The following NPFF variants were observed in gnomAD, a reference collection of about 807,000 sequenced individuals.
NPFF encodes the protein neuropeptide FF-amide peptide precursor.
Under a neutral mutation model 12.9 loss-of-function variants are expected in NPFF, and 14 were observed. The observed-to-expected ratio is 1.09, with a 90% CI of 0.72 to 1.70. The LOEUF is 1.70. Ranked by LOEUF, NPFF falls within the 40% of genes most tolerant of loss-of-function variation. NPFF has a pLI of 0.00. For missense variants in NPFF, 140 were observed against 135.7 expected, an observed-to-expected ratio of 1.03 and a Z score of -0.16; for synonymous variants, 56 against 57.3, an observed-to-expected ratio of 0.98 and a Z score of 0.10.
rs1944023003 is a variant in NPFF at position 53,507,041 on chromosome 12, G to T, written c.204C>A (p.Ala68=). ...QAMERPGRSQ[A]FLFQPQRFGR... is the part of the protein sequence containing the mutation. ...CTCACCTCTGGGGCTGAAACAGGAA[G>T]GCTTGGCTCCGGCCAGGTCTCTCCA... is the stretch of plus-strand genomic sequence containing the variant. Residue 68 remains alanine, a synonymous_variant, in exon 2 of 3, where the codon GCC becomes GCA. Coordinates refer to ENST00000267017, the MANE Select transcript of NPFF (RefSeq NM_003717.4). 6.2e-7 allele frequency: 1 copy of T among 1,613,994 alleles called. No homozygotes were observed. The highest frequency in any genetic ancestry group is 8.5e-7 in the Non-Finnish European group (1 of 1,179,974).
At chr12:53,507,232 T>G (rs1430686203) in intron 1 of NPFF, 90 bp from the exon 2 acceptor site, 1 of 1,584,222 alleles carries the variant, frequency 6.3e-7, no homozygotes, top group African/African-American at 1.3e-5. Context: ...CAGGGGCAAG[T>G]GGTAGGAGGC....
rs746108356 is a variant in NPFF, at chr12:53,507,057, G to A, written c.188C>T (p.Pro63Leu). ...AAACAGGAAGGCTTGGCTCCGGCCA[G>A]GTCTCTCCATTGCCTGGAGCAGGTA... The part of the protein sequence containing the change: ...LHYLLQAMER[P>L]GRSQAFLFQP... The change falls in exon 2 of 3, where the codon CCT (proline) becomes CTT (leucine). Residue 63 changes from proline to leucine, a missense_variant. Physicochemically the swap from Pro to Leu is moderately conservative, Grantham distance 98. Transcript: ENST00000267017. 3 of 1,614,098 alleles carry A rather than the reference G, an allele frequency of 1.9e-6. No individual in the cohort carries two copies. The highest frequency in any genetic ancestry group is 2.5e-6 in the Non-Finnish European group (3 of 1,180,026).
Position 53,506,847 on chromosome 12 carries a change from G to C in NPFF, c.271C>G (p.Pro91Ala), listed in dbSNP as rs1228688410. 9.3e-6 allele frequency: 15 copies of C among 1,604,854 alleles called. No homozygotes were observed. Among genetic ancestry groups the C allele is most frequent in the Non-Finnish European group, 1.2e-5 (14 of 1,175,560 alleles). ...GAATTCAGCCCCTCTCCAGCCCGGG[G>C]ACTCAGCCATTCATTCCTCCAGGAT... ...QGSWRNEWLSPRAGEGLNSQF... is the reference protein window; with the variant it reads ...QGSWRNEWLSARAGEGLNSQF... The change falls in exon 3 of 3, where the codon CCC becomes GCC. Residue 91 changes from proline to alanine, a missense_variant. By Grantham distance (27) the Pro-to-Ala change is conservative. Transcript: ENST00000267017.
intron 1 of NPFF, 49 bp downstream of exon 1, chr12:53,507,324 T>G (rs1302784080): frequency 6.2e-7 from 1 of 1,611,420 alleles, no homozygotes; most frequent in Non-Finnish European, 8.5e-7. Flanking sequence ...AGCACAAGTC[T>G]CAACCGAAGT....
chr12:53,507,409 T>C lies in NPFF; in HGVS notation c.66A>G (p.Glu22=). 6.2e-7 allele frequency: 1 copy of C among 1,614,054 alleles called. No individual in the cohort carries two copies. Among genetic ancestry groups the C allele is most frequent in the Non-Finnish European group, 8.5e-7 (1 of 1,179,990 alleles). Residue 22 remains glutamate, a synonymous_variant, in exon 1 of 3, where the codon GAA becomes GAG. Coordinates refer to ENST00000267017, the MANE Select transcript of NPFF (RefSeq NM_003717.4). ...GGTCTTCCTGCTGGCCTCCTGGCCCTTCAGCACAGCCCCCGTCTATTAACA... is the reference window on the plus strand; with the variant it reads ...GGTCTTCCTGCTGGCCTCCTGGCCCCTCAGCACAGCCCCCGTCTATTAACA... The part of the protein sequence containing the change: ...LLLLIDGGCA[E]GPGGQQEDQL...
At chr12:53,507,245 C>T (rs775183605) in intron 1 of NPFF, 103 bp from the exon 2 acceptor site, 9 of 1,581,854 alleles carry the variant, frequency 5.7e-6, no homozygotes, top group East Asian at 2.2e-5. Flanking sequence ...TAGGAGGCTG[C>T]GGAACCATTT....
chr12:53,507,297 A>G (rs1460075378), intron 1 of NPFF, 76 bp downstream of exon 1: 49 of 1,601,656 alleles, frequency 3.1e-5, no homozygotes, highest in Non-Finnish European at 4.2e-5. Flanking sequence ...GCAGCCAGAG[A>G]AAGTATCAGA....
rs1944025805 is a variant in NPFF, at chr12:53,507,142, C to T, written c.103G>A (p.Glu35Lys). 2.5e-6 allele frequency: 4 copies of T among 1,613,588 alleles called. No individual in the cohort carries two copies. In the East Asian group the frequency reaches 6.7e-5, roughly 27 times the overall value. The change falls in exon 2 of 3, where the codon GAG becomes AAG. Residue 35 changes from glutamate to lysine, a missense_variant and splice_region_variant. Physicochemically the swap from Glu to Lys is moderately conservative, Grantham distance 56. Coordinates refer to ENST00000267017, the MANE Select transcript of NPFF (RefSeq NM_003717.4). ...GGQQEDQLSA[E>K]EDSEPLPPQD... ...GGTGGGAGGGGTTCGCTGTCTTCCT[C>T]CTGTGCCAAGGGGGTATCAGGGAAG...
chr12:53,506,888 C>A lies in NPFF; in HGVS notation c.230G>T (p.Gly77Val). 1 of 1,591,074 alleles carries A rather than the reference C, an allele frequency of 6.3e-7. No homozygotes were observed. Among genetic ancestry groups the A allele is most frequent in the South Asian group, 1.1e-5 (1 of 87,420 alleles). Residue 77 changes from glycine (G) to valine (V), a missense_variant, in exon 3 of 3, where the codon GGC becomes GTC. Gly to Val is a moderately radical substitution (Grantham distance 109). Coordinates refer to ENST00000267017, the MANE Select transcript of NPFF (RefSeq NM_003717.4). ...CCTCCAGGATCCCTGGGTATTTCTG[C>A]CAAACCTTAGGAAAGATTTGTCCTC... ...QAFLFQPQRF[G>V]RNTQGSWRNE...
In NPFF at chr12:53,507,361, A is replaced by G. The variant is rs1944034391; in HGVS notation, c.102+12T>C. 2 of 1,614,028 alleles carry G rather than the reference A, an allele frequency of 1.2e-6. No homozygotes were observed. Among genetic ancestry groups the G allele is most frequent in the Non-Finnish European group, 1.7e-6 (2 of 1,179,976 alleles). ...GAGGCAATGGTGATATGGGGATGGGACACACACTCACCGCGGAGAGCTGGT... is the reference window on the plus strand; with the variant it reads ...GAGGCAATGGTGATATGGGGATGGGGCACACACTCACCGCGGAGAGCTGGT... On this transcript the variant is annotated intron_variant, in intron 1 of 2. Transcript: ENST00000267017.
In NPFF at chr12:53,507,090, A is replaced by C; in HGVS notation, c.155T>G (p.Leu52Arg). 1.9e-6 allele frequency: 3 copies of C among 1,614,084 alleles called. No individual in the cohort carries two copies. Among genetic ancestry groups the C allele is most frequent in the Non-Finnish European group, 2.5e-6 (3 of 1,180,008 alleles). The change falls in exon 2 of 3, where the codon CTG becomes CGG. Residue 52 changes from leucine (L) to arginine (R), a missense_variant. Physicochemically the swap from Leu to Arg is moderately radical, Grantham distance 102. Transcript: ENST00000267017. ...PPQDAQTSGS[L>R]LHYLLQAMER... ...CATTGCCTGGAGCAGGTAGTGCAAC[A>C]GTGACCCAGAGGTCTGGGCATCCTG...
In NPFF at chr12:53,506,744, C is replaced by T. The variant is rs1401435895; in HGVS notation, c.*32G>A. 2 of 1,454,282 alleles carry T rather than the reference C, an allele frequency of 1.4e-6. No homozygotes were observed. Among genetic ancestry groups the T allele is most frequent in the Admixed American group, 2.2e-5 (1 of 44,526 alleles). The allele number at this position is 1,454,282 out of a possible 1,614,324, so 90.1% of individuals were successfully genotyped here. A position where few individuals can be genotyped will look rare whatever the true frequency, so the allele number is the denominator to read the frequency against. ...AAACATTGACACTTTTGGGTGTGGACCTTGCATGCAGACATATCAAGGGAT... is the reference window on the plus strand; with the variant it reads ...AAACATTGACACTTTTGGGTGTGGATCTTGCATGCAGACATATCAAGGGAT... On this transcript the variant is annotated 3_prime_UTR_variant, in exon 3 of 3. Transcript: ENST00000267017.
At position 53,507,383 on chromosome 12, in the gene NPFF, T is replaced by C; in HGVS notation, c.92A>G (p.Gln31Arg). The C allele has an allele frequency of 6.2e-7, 1 of 1,614,072 alleles. No individual in the cohort carries two copies. Among genetic ancestry groups the C allele is most frequent in the Non-Finnish European group, 8.5e-7 (1 of 1,179,990 alleles). Residue 31 changes from glutamine to arginine, a missense_variant, in exon 1 of 3, where the codon CAG (glutamine) becomes CGG (arginine). Transcript: ENST00000267017. ...AEGPGGQQED[Q>R]LSAEEDSEPL... ...GGGACACACACTCACCGCGGAGAGC[T>C]GGTCTTCCTGCTGGCCTCCTGGCCC...
rs750489168 is a variant in NPFF at position 53,507,193 on chromosome 12, G to T, written c.103-51C>A. Reference sequence around the variant, plus strand: ...GAAGATGGGCAAATACCCTGGACACGTAAGTCACAAGGGGAAGGGACTGGC... The same window carrying T: ...GAAGATGGGCAAATACCCTGGACACTTAAGTCACAAGGGGAAGGGACTGGC... On this transcript the variant is annotated intron_variant, in intron 1 of 2. Coordinates refer to ENST00000267017, the MANE Select transcript of NPFF (RefSeq NM_003717.4). 5 of 1,600,540 alleles carry T rather than the reference G, an allele frequency of 3.1e-6. No homozygotes were observed. In the Admixed American group the frequency reaches 8.4e-5, roughly 27 times the overall value.
Position 53,506,782 on chromosome 12 carries a change from C to T in NPFF, c.336G>A (p.Lys112=), listed in dbSNP as rs1431110833. The change falls in exon 3 of 3, where the codon AAG becomes AAA. Residue 112 remains lysine, a synonymous_variant. Coordinates refer to ENST00000267017, the MANE Select transcript of NPFF (RefSeq NM_003717.4). ...CATATCAAGGGATGACATGTCACTT[C>T]TTCCCAAAGCGTTGAGGGGCAGCCA... ...WSLAAPQRFG[K]K is the part of the protein sequence containing the mutation. The T allele has an allele frequency of 1.6e-5, 25 of 1,551,788 alleles. No individual in the cohort carries two copies. Among genetic ancestry groups the T allele is most frequent in the Non-Finnish European group, 2.2e-5 (25 of 1,150,446 alleles).
rs1944026555 is a variant in NPFF, at chr12:53,507,156, G to GTATC, written c.103-18_103-15dup. On this transcript the variant is annotated splice_polypyrimidine_tract_variant and intron_variant, in intron 1 of 2. Transcript: ENST00000267017. ...GCTGTCTTCCTCCTGTGCCAAGGGG[G>GTATC]TATCAGGGAAGGAAGATGGGCAAAT... 6.2e-7 allele frequency: 1 copy of GTATC among 1,612,768 alleles called. No homozygotes were observed. Among genetic ancestry groups the GTATC allele is most frequent in the East Asian group, 2.2e-5 (1 of 44,858 alleles).
rs142373372 is a variant in NPFF at position 53,506,893 on chromosome 12, C to G, written c.225G>C (p.Arg75Ser). ...AGGATCCCTGGGTATTTCTGCCAAA[C>G]CTTAGGAAAGATTTGTCCTCAGGTC... Reference protein sequence around the residue: ...RSQAFLFQPQRFGRNTQGSWR... With the variant: ...RSQAFLFQPQSFGRNTQGSWR... The change falls in exon 3 of 3, where the codon AGG (arginine) becomes AGC (serine). Residue 75 changes from arginine (R) to serine (S), a missense_variant and splice_region_variant. Physicochemically the swap from Arg to Ser is moderately radical, Grantham distance 110. Coordinates refer to ENST00000267017, the MANE Select transcript of NPFF (RefSeq NM_003717.4). The G allele has an allele frequency of 5.0e-6, 8 of 1,588,146 alleles. No individual in the cohort carries two copies. The highest frequency in any genetic ancestry group is 6.9e-6 in the Non-Finnish European group (8 of 1,166,714).
At chr12:53,506,975 T>G in intron 2 of NPFF, 46 bp downstream of exon 2, 1 of 1,600,820 alleles carries the variant, frequency 6.2e-7, no homozygotes, top group East Asian at 2.2e-5. Context: ...CCTCCTGCCC[T>G]TTCCACCCCC....
rs1944036345 is a variant in NPFF at position 53,507,403 on chromosome 12, T to G, written c.72A>C (p.Pro24=). ...LLIDGGCAEG[P]GGQQEDQLSA... is the part of the protein sequence containing the mutation. ...AGAGCTGGTCTTCCTGCTGGCCTCC[T>G]GGCCCTTCAGCACAGCCCCCGTCTA... The change falls in exon 1 of 3, where the codon CCA becomes CCC. Residue 24 remains proline, a synonymous_variant. Coordinates refer to ENST00000267017, the MANE Select transcript of NPFF (RefSeq NM_003717.4). The G allele has an allele frequency of 1.2e-6, 2 of 1,614,074 alleles. No homozygotes were observed. Among genetic ancestry groups the G allele is most frequent in the Non-Finnish European group, 1.7e-6 (2 of 1,180,000 alleles).
Sources: allele counts gnomAD v4.1 joint callset, GRCh38; gene constraint gnomAD v4.1.1; transcripts MANE v1.5; gene names NCBI Gene and HGNC (gene_info 2026-07-23, HGNC 2026-07-21).